Variants in DNAH1 observed in about 807,000 individuals in gnomAD.
DNAH1 encodes dynein axonemal heavy chain 1.
Under a neutral mutation model 484.3 loss-of-function variants are expected in DNAH1, and 327 were observed. That is an observed-to-expected ratio of 0.68 (90% CI 0.62 to 0.74). The LOEUF (loss-of-function observed/expected upper bound fraction) is 0.74. Among genes scored for constraint, DNAH1 ranks in the 30% least tolerant of loss-of-function variants. The probability of loss-of-function intolerance (pLI) is 0.00; values close to 1 mark genes in which losing one functional copy is unlikely to be tolerated. For missense variants in DNAH1, 5,052 were observed against 5,546.8 expected (o/e 0.91, Z 2.83); for synonymous variants, 2,192 against 2,191.9 (o/e 1.00, Z 0.00).
At chr3:52,385,107 T>TC (rs1259968585) in intron 53 of DNAH1, 130 bp downstream of exon 53, 4 of 1,193,604 alleles carry the variant, frequency 3.4e-6, no homozygotes, top group East Asian at 2.6e-5. Flanking sequence ...GTGGGTGGCT[T>TC]CCCCCCTCAT....
rs767373969 is a variant in DNAH1, at chr3:52,391,252, G to A, written c.9815G>A (p.Arg3272His). ...DFLRSMENAIRFGKPCLLENV... is the reference protein window; with the variant it reads ...DFLRSMENAIHFGKPCLLENV... The stretch of plus-strand genomic sequence containing the variant: ...CTGCGCAGCATGGAGAACGCCATCC[G>A]CTTTGGCAAGCCATGTCTCCTGGAG... Residue 3272 changes from arginine to histidine, a missense_variant, in exon 62 of 78, where the codon CGC (arginine) becomes CAC (histidine). Arg to His is a conservative substitution (Grantham distance 29, BLOSUM62 0). Around this residue, in one of 4 missense-constraint regions of DNAH1, gnomAD observed 2,929 missense variants for 3,409.4 expected, o/e 0.86. Coordinates refer to ENST00000420323, the MANE Select transcript of DNAH1 (RefSeq NM_015512.5). 1.1e-5 allele frequency: 18 copies of A among 1,613,436 alleles called. No individual in the cohort carries two copies. Among genetic ancestry groups the A allele is most frequent in the East Asian group, 8.9e-5 (4 of 44,872 alleles).
At chr3:52,345,090 G>A (rs750314954) in intron 9 of DNAH1, among the ~76,000 whole-genome samples, 5 of 152,190 alleles carry the variant, frequency 3.3e-5, no homozygotes, top group South Asian at 2.1e-4. Context: ...CATGTACTCC[G>A]GATGCAGGCT....
chr3:52,394,485 G>C lies in DNAH1; in HGVS notation c.10647G>C (p.Leu3549=). 1 of 1,614,012 alleles carries C rather than the reference G, an allele frequency of 6.2e-7. No homozygotes were observed. Among genetic ancestry groups the C allele is most frequent in the Non-Finnish European group, 8.5e-7 (1 of 1,179,876 alleles). The part of the protein sequence containing the change: ...KINQSEWRYL[L]SGGSISIMTE... ...GCCAGAGTGAGTGGCGATACCTCCTGTCTGGGGGCTCCATCTCGATCATGA... is the reference window on the plus strand; with the variant it reads ...GCCAGAGTGAGTGGCGATACCTCCTCTCTGGGGGCTCCATCTCGATCATGA... Residue 3549 remains leucine, a synonymous_variant, in exon 67 of 78, where the codon CTG becomes CTC. Coordinates refer to ENST00000420323, the MANE Select transcript of DNAH1 (RefSeq NM_015512.5).
intron 8 of DNAH1, among the ~76,000 whole-genome samples, chr3:52,337,589 A>AT (rs1367675725): frequency 2.0e-5 from 3 of 152,306 alleles, no homozygotes; most frequent in Non-Finnish European, 4.4e-5. Context: ...ATATTGCTTC[A>AT]TATTATAATC....
chr3:52,342,672 C>T (rs1297737661), intron 8 of DNAH1, among the ~76,000 whole-genome samples: 9 of 152,228 alleles, frequency 5.9e-5, no homozygotes, highest in Non-Finnish European at 8.8e-5. Flanking sequence ...AGGAAGAGAC[C>T]AGGGACCCCT....
At chr3:52,371,605 C>T (rs1419222333) in intron 41 of DNAH1, among the ~76,000 whole-genome samples, 1 of 152,236 alleles carries the variant, frequency 6.6e-6, no homozygotes, top group Non-Finnish European at 1.5e-5. Context: ...CAGAAAACCC[C>T]TTTGCATTCT....
intron 37 of DNAH1, among the ~76,000 whole-genome samples, chr3:52,369,623 G>A (rs1390717651): frequency 1.3e-5 from 2 of 152,080 alleles, no homozygotes; most frequent in African/African-American, 4.8e-5. Flanking sequence ...CTGACTTGGG[G>A]TCCTCCTCAG....
chr3:52,380,117 C>T lies in DNAH1; in HGVS notation c.7590C>T (p.Leu2530=). Residue 2530 remains leucine (L), a synonymous_variant, in exon 48 of 78, where the codon CTC becomes CTT. Coordinates refer to ENST00000420323, the MANE Select transcript of DNAH1 (RefSeq NM_015512.5). ...SPGSDVKSYE[L]ITSESKMMQV... ...GCTCCGATGTCAAGTCCTACGAGCT[C>T]ATCACCAGTGAGAGTAAGGTGAGGG... The T allele has an allele frequency of 6.3e-7, 1 of 1,597,720 alleles. No individual in the cohort carries two copies.
Position 52,346,575 on chromosome 3 carries a change from A to C in DNAH1, c.1760A>C (p.Asn587Thr). Residue 587 changes from asparagine to threonine, a missense_variant, in exon 11 of 78, where the codon AAC (asparagine) becomes ACC (threonine). Coordinates refer to ENST00000420323, the MANE Select transcript of DNAH1 (RefSeq NM_015512.5). ...GGCTGGTACAACCTCTACGAGACCAACTGGGAGGTGTACCTCATGTCCAAG... is the reference window on the plus strand; with the variant it reads ...GGCTGGTACAACCTCTACGAGACCACCTGGGAGGTGTACCTCATGTCCAAG... ...SKGWYNLYET[N>T]WEVYLMSKLR... The C allele has an allele frequency of 6.2e-7, 1 of 1,614,042 alleles. No homozygotes were observed. The highest frequency in any genetic ancestry group is 8.5e-7 in the Non-Finnish European group (1 of 1,179,888).
chr3:52,329,923 C>T (rs543839180), intron 6 of DNAH1, among the ~76,000 whole-genome samples: 3 of 151,950 alleles, frequency 2.0e-5, no homozygotes, highest in Non-Finnish European at 2.9e-5. Context: ...ATTTTTGTGC[C>T]TCAGCCTCCC....
In DNAH1 at chr3:52,361,734, A is replaced by T; in HGVS notation, c.4948A>T (p.Ile1650Phe). ...IEVLSVVAQQITTIQKAQQQR... is the reference protein window; with the variant it reads ...IEVLSVVAQQFTTIQKAQQQR... ...GGTGCTGTCTGTGGTGGCGCAGCAGATCACCACCATCCAGAAGGCGCAGCA... is the reference window on the plus strand; with the variant it reads ...GGTGCTGTCTGTGGTGGCGCAGCAGTTCACCACCATCCAGAAGGCGCAGCA... The change falls in exon 30 of 78, where the codon ATC becomes TTC. Residue 1650 changes from isoleucine (I) to phenylalanine (F), a missense_variant. Ile to Phe is a conservative substitution (Grantham distance 21, BLOSUM62 0). This residue lies in a region of DNAH1 where 2,929 missense variants were observed against 3,409.4 expected (regional missense o/e 0.86). Coordinates refer to ENST00000420323, the MANE Select transcript of DNAH1 (RefSeq NM_015512.5). This position sits in a 1 kb window ranked among gnomAD's most constrained non-coding sequence, Gnocchi z 5.6. The T allele has an allele frequency of 6.2e-7, 1 of 1,610,556 alleles. No homozygotes were observed. Among genetic ancestry groups the T allele is most frequent in the Non-Finnish European group, 8.5e-7 (1 of 1,178,608 alleles).
intron 15 of DNAH1, 88 bp from the exon 16 acceptor site, chr3:52,350,420 T>A: frequency 7.7e-7 from 1 of 1,294,510 alleles, no homozygotes; most frequent in Non-Finnish European, 1.1e-6. Context: ...GCAGCCCCTC[T>A]CTAGTACCCG....
chr3:52,383,785 A>G (rs1703969929), intron 51 of DNAH1, 75 bp from the exon 52 acceptor site: 1 of 1,488,930 alleles, frequency 6.7e-7, no homozygotes, highest in Non-Finnish European at 9.0e-7. Context: ...AGGGCTGTGC[A>G]AGGGCCCTGG....
rs772693634 is a variant in DNAH1, at chr3:52,332,248, C to T, written c.1140C>T (p.Ala380=). Residue 380 remains alanine, a synonymous_variant, in exon 8 of 78, where the codon GCC becomes GCT. Coordinates refer to ENST00000420323, the MANE Select transcript of DNAH1 (RefSeq NM_015512.5). ...CACAACGTGTGGTCCAGGCCAACGC[C>T]CTGCGCAAGAACACGGAAGCACTGC... is the stretch of plus-strand genomic sequence containing the variant. ...MFAQRVVQAN[A]LRKNTEALLL... is the part of the protein sequence containing the mutation. The T allele has an allele frequency of 6.2e-6, 10 of 1,613,886 alleles. No homozygotes were observed. Among genetic ancestry groups the T allele is most frequent in the Non-Finnish European group, 5.9e-6 (7 of 1,179,888 alleles).
chr3:52,373,945 C>T lies in DNAH1; in HGVS notation c.6985+892C>T, dbSNP rs945674114. On this transcript the variant is annotated intron_variant, in intron 44 of 77. Coordinates refer to ENST00000420323, the MANE Select transcript of DNAH1 (RefSeq NM_015512.5). ...GAGGAAGATGAACCAACGTTAGAAG[C>T]AGGCTGGCTTCATCTACACTTATTT... 11 of 1,298,322 alleles carry T rather than the reference C, an allele frequency of 8.5e-6. No individual in the cohort carries two copies. In the African/African-American group the frequency reaches 1.3e-4, roughly 16 times the overall value. The allele number at this position is 1,298,322 out of a possible 1,614,324, so 80.4% of individuals were successfully genotyped here. A position where few individuals can be genotyped will look rare whatever the true frequency, so the allele number is the denominator to read the frequency against.
At chr3:52,356,904 C>T (rs1179350525) in intron 22 of DNAH1, 126 bp downstream of exon 22, 1 of 1,226,474 alleles carries the variant, frequency 8.2e-7, no homozygotes, top group Non-Finnish European at 1.1e-6. Flanking sequence ...AGGATTTGAT[C>T]TTGAACCATG....
At position 52,352,001 on chromosome 3, in the gene DNAH1, G is replaced by C. The variant is rs766965909; in HGVS notation, c.2769G>C (p.Gln923His). The C allele has an allele frequency of 6.2e-7, 1 of 1,601,194 alleles. No homozygotes were observed. Among genetic ancestry groups the C allele is most frequent in the Non-Finnish European group, 8.5e-7 (1 of 1,174,170 alleles). The change falls in exon 17 of 78, where the codon CAG becomes CAC. Residue 923 changes from glutamine (Q) to histidine (H), a missense_variant. By Grantham distance (24) the Gln-to-His change is conservative. Around this residue, in one of 4 missense-constraint regions of DNAH1, gnomAD observed 1,263 missense variants for 1,218.8 expected, o/e 1.04. Transcript: ENST00000420323. ...ASNWPSKILGQIELVQQQHVE... is the reference protein window; with the variant it reads ...ASNWPSKILGHIELVQQQHVE... ...ACTGGCCTTCTAAGATCCTTGGGCA[G>C]ATAGAGCTGGTGCAGCAGCAGCATG...
chr3:52,399,719 C>T lies in DNAH1; in HGVS notation c.12616C>T (p.Arg4206Cys), dbSNP rs1203504830. 1.4e-5 allele frequency: 22 copies of T among 1,613,888 alleles called. No individual in the cohort carries two copies. In the East Asian group the frequency reaches 3.8e-4, roughly 28 times the overall value. Residue 4206 changes from arginine to cysteine, a missense_variant, in exon 77 of 78, where the codon CGC becomes TGC. Transcript: ENST00000420323. ...TATCTGGCTCTTGCCAACACCCAAC[C>T]GCAAGGCCCAGGACCAGGACTTTTA... ...AVIWLLPTPN[R>C]KAQDQDFYLC...
Position 52,398,930 on chromosome 3 carries a change from C to T in DNAH1, c.12170C>T (p.Ser4057Phe). The T allele has an allele frequency of 1.2e-6, 2 of 1,612,962 alleles. No homozygotes were observed. The highest frequency in any genetic ancestry group is 2.2e-5 in the South Asian group (2 of 90,992). Reference sequence around the variant, plus strand: ...CTCAAGGGGCTGGTAGTGATGTCCTCTCAGCTGGAGCTGATGGCTGCCAGC... The same window carrying T: ...CTCAAGGGGCTGGTAGTGATGTCCTTTCAGCTGGAGCTGATGGCTGCCAGC... ...KALKGLVVMS[S>F]QLELMAASLY... Residue 4057 changes from serine (S) to phenylalanine (F), a missense_variant, in exon 76 of 78, where the codon TCT (serine) becomes TTT (phenylalanine). Around this residue, in one of 4 missense-constraint regions of DNAH1, gnomAD observed 853 missense variants for 899.0 expected, o/e 0.95. Transcript: ENST00000420323.
Sources: allele counts gnomAD v4.1 joint callset (sites outside exome capture counted in the v4.1 genomes callset), GRCh38; gene constraint gnomAD v4.1.1; regional missense constraint gnomAD v4.1.1; non-coding constraint Gnocchi (gnomAD v3.1); transcripts MANE v1.5; gene names NCBI Gene and HGNC (gene_info 2026-07-23, HGNC 2026-07-21).